Variants in DSG2 observed in about 807,000 individuals in gnomAD.
The protein encoded by DSG2 is desmoglein 2, also known as desmoglein-2.
DSG2 carries 45 observed loss-of-function variants against 75.6 expected under a neutral mutation model. That is an observed-to-expected ratio of 0.60 (90% CI 0.47 to 0.76). The LOEUF (loss-of-function observed/expected upper bound fraction) is 0.76. Ranked by LOEUF, DSG2 falls within the 30% of genes least tolerant of loss-of-function variation. DSG2 has a pLI of 0.00. For synonymous variants in DSG2, 429 were observed against 483.9 expected (o/e 0.89, Z 1.49); for missense variants, 1,267 against 1,357.4 (o/e 0.93, Z 1.05).
At chr18:31,516,214 G>T (rs760573838) in intron 1 of DSG2, among the ~76,000 whole-genome samples, 1 of 152,072 alleles carries the variant, frequency 6.6e-6, no homozygotes, top group Non-Finnish European at 1.5e-5. Context: ...GTATTGATTA[G>T]CCAATGGAGA....
At chr18:31,531,595 G>A (rs1268814312) in intron 9 of DSG2, among the ~76,000 whole-genome samples, 2 of 152,248 alleles carry the variant, frequency 1.3e-5, no homozygotes, top group African/African-American at 2.4e-5. Context: ...ATTGGAGGGT[G>A]AGAACGTAGC....
At chr18:31,533,738 TG>T (rs1567929753) in intron 9 of DSG2, among the ~76,000 whole-genome samples, 1 of 152,216 alleles carries the variant, frequency 6.6e-6, no homozygotes, top group Non-Finnish European at 1.5e-5. Context: ...AAAATCAAAA[TG>T]TATTATTATT....
chr18:31,538,829 G>C lies in DSG2; in HGVS notation c.1730G>C (p.Gly577Ala), dbSNP rs1567931644. The change falls in exon 12 of 15, where the codon GGT becomes GCT. Residue 577 changes from glycine to alanine, a missense_variant. By Grantham distance (60) the Gly-to-Ala change is moderately conservative. Transcript: ENST00000261590. Reference sequence around the variant, plus strand: ...CAGTTCCTGATTTCAGACAATCAGGGTTTTAGTTGTCCTGAAAAGCAGGTC... The same window carrying C: ...CAGTTCCTGATTTCAGACAATCAGGCTTTTAGTTGTCCTGAAAAGCAGGTC... The part of the protein sequence containing the change: ...EIQFLISDNQ[G>A]FSCPEKQVLT... 2 of 1,614,168 alleles carry C rather than the reference G, an allele frequency of 1.2e-6. No individual in the cohort carries two copies. The highest frequency in any genetic ancestry group is 2.2e-5 in the South Asian group (2 of 91,078).
intron 11 of DSG2, 119 bp downstream of exon 11, chr18:31,536,548 A>G (rs1306550215): frequency 2.7e-6 from 3 of 1,100,848 alleles, no homozygotes; most frequent in Non-Finnish European, 4.0e-6. Flanking sequence ...AAAGGAGTTT[A>G]TGAAATGAGG....
Position 31,546,527 on chromosome 18 carries a change from A to C in DSG2, c.3141A>C (p.Thr1047=). Residue 1047 remains threonine (T), a synonymous_variant, in exon 15 of 15, where the codon ACA becomes ACC. Transcript: ENST00000261590. ...NIAVGQNVTV[T]ERVLAPASTL... ...CAGTAGGACAGAATGTGACAGTGAC[A>C]GAAAGAGTTCTAGCACCTGCTTCCA... The C allele has an allele frequency of 6.2e-7, 1 of 1,614,186 alleles. No individual in the cohort carries two copies. Among genetic ancestry groups the C allele is most frequent in the Middle Eastern group, 1.6e-4 (1 of 6,062 alleles).
At chr18:31,532,365 A>G (rs2073203789) in intron 9 of DSG2, among the ~76,000 whole-genome samples, 1 of 152,040 alleles carries the variant, frequency 6.6e-6, no homozygotes. Context: ...TTAATCACTT[A>G]CCAAAGGCCC....
At chr18:31,524,348 T>C (rs2073147737) in intron 6 of DSG2, 100 bp from the exon 7 acceptor site, 1 of 1,480,822 alleles carries the variant, frequency 6.8e-7, no homozygotes, top group South Asian at 1.2e-5. Flanking sequence ...GATTTGTAAA[T>C]AAAATATACT....
At chr18:31,530,920 A>T in intron 8 of DSG2, 67 bp from the exon 9 acceptor site, 1 of 1,482,870 alleles carries the variant, frequency 6.7e-7, no homozygotes, top group Non-Finnish European at 9.3e-7. Context: ...CCACACATGT[A>T]TATGTATATG....
chr18:31,537,478 G>C (rs941107074), intron 11 of DSG2, among the ~76,000 whole-genome samples: 24 of 151,980 alleles, frequency 1.6e-4, no homozygotes, highest in African/African-American at 5.8e-4. Flanking sequence ...AATTAGCCGG[G>C]CGTGGTGGCA....
intron 12 of DSG2, among the ~76,000 whole-genome samples, chr18:31,539,563 C>G (rs1428115166): frequency 2.6e-5 from 4 of 152,198 alleles, no homozygotes; most frequent in African/African-American, 7.2e-5. Flanking sequence ...CTGCCCTACC[C>G]ACGCTCCAAA....
chr18:31,542,605 T>A lies in DSG2; in HGVS notation c.2087T>A (p.Met696Lys). 6.2e-7 allele frequency: 1 copy of A among 1,614,048 alleles called. No individual in the cohort carries two copies. The highest frequency in any genetic ancestry group is 8.5e-7 in the Non-Finnish European group (1 of 1,179,996). ...GVGGMAKEAT[M>K]KGSSSASIVK... ...GGAGGTATGGCCAAGGAAGCCACGA[T>A]GAAAGGAAGTAGCTCTGCTTCCATT... The change falls in exon 14 of 15, where the codon ATG becomes AAG. Residue 696 changes from methionine to lysine, a missense_variant. Coordinates refer to ENST00000261590, the MANE Select transcript of DSG2 (RefSeq NM_001943.5).
At position 31,519,860 on chromosome 18, in the gene DSG2, C is replaced by G; in HGVS notation, c.139C>G (p.Gln47Glu). ...LLPKHPHLVR[Q>E]KRAWITAPVA... ...TCCTAAACATCCTCATTTAGTGCGG[C>G]AAAAGCGCGCCTGGATCACCGCCCC... The change falls in exon 3 of 15, where the codon CAA becomes GAA. Residue 47 changes from glutamine (Q) to glutamate (E), a missense_variant. Coordinates refer to ENST00000261590, the MANE Select transcript of DSG2 (RefSeq NM_001943.5). The G allele has an allele frequency of 6.2e-7, 1 of 1,614,126 alleles. No individual in the cohort carries two copies. The highest frequency in any genetic ancestry group is 8.5e-7 in the Non-Finnish European group (1 of 1,180,022).
chr18:31,522,059 A>G (rs1486395833), intron 5 of DSG2, 24 bp from the exon 6 acceptor site: 1 of 1,608,860 alleles, frequency 6.2e-7, no homozygotes, highest in East Asian at 2.2e-5. Context: ...ATTTCATCTT[A>G]GACATCTTTA....
In DSG2 at chr18:31,521,125, A is replaced by C. The variant is rs771890613; in HGVS notation, c.405A>C (p.Arg135Ser). 1 of 1,614,060 alleles carries C rather than the reference A, an allele frequency of 6.2e-7. No individual in the cohort carries two copies. Among genetic ancestry groups the C allele is most frequent in the South Asian group, 1.1e-5 (1 of 91,076 alleles). Residue 135 changes from arginine to serine, a missense_variant, in exon 5 of 15, where the codon AGA becomes AGC. Physicochemically the swap from Arg to Ser is moderately radical, Grantham distance 110 (BLOSUM62 -1). Coordinates refer to ENST00000261590, the MANE Select transcript of DSG2 (RefSeq NM_001943.5). ...FLLTGYALDA[R>S]GNNVEKPLEL... is the part of the protein sequence containing the mutation. ...TAACAGGTTACGCTTTGGATGCAAG[A>C]GGAAACAATGTAGAGAAACCCTTAG...
rs567788796 is a variant in DSG2 at position 31,501,266 on chromosome 18, G to A, written c.45+2970G>A. On this transcript the variant is annotated intron_variant, in intron 1 of 14. Transcript: ENST00000261590. ...CGCCAGATTGCCAAGGAGGGCTCGT[G>A]GGTGAGAGATTTCCTGATGGTTGCT... Among the ~76,000 whole-genome samples, 6 of 152,290 alleles carry A rather than the reference G, an allele frequency of 3.9e-5. No individual in the cohort carries two copies. In the South Asian group the frequency reaches 1.2e-3, roughly 32 times the overall value.
At chr18:31,529,826 A>G (rs2073183729) in intron 8 of DSG2, among the ~76,000 whole-genome samples, 1 of 152,240 alleles carries the variant, frequency 6.6e-6, no homozygotes, top group South Asian at 2.1e-4. Context: ...AACTTTAGGT[A>G]GTTCTTTTAG....
Position 31,546,369 on chromosome 18 carries a change from C to T in DSG2, c.2983C>T (p.His995Tyr). 1.9e-6 allele frequency: 3 copies of T among 1,614,064 alleles called. No individual in the cohort carries two copies. Among genetic ancestry groups the T allele is most frequent in the Admixed American group, 1.7e-5 (1 of 60,020 alleles). The change falls in exon 15 of 15, where the codon CAT (histidine) becomes TAT (tyrosine). Residue 995 changes from histidine (H) to tyrosine (Y), a missense_variant. Physicochemically the swap from His to Tyr is moderately conservative, Grantham distance 83 (BLOSUM62 2). Transcript: ENST00000261590. The stretch of plus-strand genomic sequence containing the variant: ...GGTCACTGAAAGAGTAATACAGCCT[C>T]ATGGGGGTGGATCGAATCCTCTGGA... ...VVVTERVIQP[H>Y]GGGSNPLEGT...
intron 1 of DSG2, among the ~76,000 whole-genome samples, chr18:31,511,165 T>C (rs929180582): frequency 6.6e-6 from 1 of 152,176 alleles, no homozygotes; most frequent in African/African-American, 2.4e-5. Flanking sequence ...TAGCTTCCAA[T>C]CAGAGAAACG....
chr18:31,545,965 A>T lies in DSG2; in HGVS notation c.2579A>T (p.Glu860Val), dbSNP rs768184612. Reference sequence around the variant, plus strand: ...GAGCAGAGACAAAAACCTGCCACAGAAACAAGTATGAACACAGCTTCACAT... The same window carrying T: ...GAGCAGAGACAAAAACCTGCCACAGTAACAAGTATGAACACAGCTTCACAT... Reference protein sequence around the residue: ...EIEQRQKPATETSMNTASHSL... With the variant: ...EIEQRQKPATVTSMNTASHSL... The change falls in exon 15 of 15, where the codon GAA becomes GTA. Residue 860 changes from glutamate (E) to valine (V), a missense_variant. Physicochemically the swap from Glu to Val is moderately radical, Grantham distance 121 (BLOSUM62 -2). Transcript: ENST00000261590. The T allele has an allele frequency of 6.2e-7, 1 of 1,614,218 alleles. No homozygotes were observed. The highest frequency in any genetic ancestry group is 1.1e-5 in the South Asian group (1 of 91,086).
Sources: gnomAD v4.1 joint callset for allele counts (sites outside exome capture counted in the v4.1 genomes callset) on GRCh38, gnomAD v4.1.1 for gene constraint, MANE v1.5 for transcripts, NCBI Gene and HGNC (gene_info 2026-07-23, HGNC 2026-07-21) for gene names.